The following UGGT2 variants were observed in gnomAD, a reference collection of about 807,000 sequenced individuals.
UGGT2 encodes the protein UDP-glucose:glycoprotein glucosyltransferase 2.
UGGT2 carries 180 observed loss-of-function variants against 192.1 expected under a neutral mutation model. That is an observed-to-expected ratio of 0.94 (90% CI 0.83 to 1.06). The LOEUF is 1.06. UGGT2 is among the 50% of genes least tolerant of loss of function. The pLI is 0.00. For missense variants in UGGT2, 1,849 were observed against 1,795.7 expected (o/e 1.03, Z -0.54); for synonymous variants, 580 against 591.0 (o/e 0.98, Z 0.27).
chr13:96,024,915 T>C (rs1014514863), intron 2 of UGGT2, among the ~76,000 whole-genome samples: 6 of 152,134 alleles, frequency 3.9e-5, no homozygotes, highest in African/African-American at 1.2e-4. Flanking sequence ...TGTTTGCTGA[T>C]TGTGACAATG....
intron 6 of UGGT2, 28 bp downstream of exon 6, chr13:95,999,183 T>C: frequency 1.3e-6 from 2 of 1,584,254 alleles, no homozygotes; most frequent in Non-Finnish European, 1.7e-6. Flanking sequence ...CTTTTCATTC[T>C]ACTCAAGTAC....
chr13:95,890,905 T>C lies in UGGT2; in HGVS notation c.2915A>G (p.Asp972Gly), dbSNP rs1460811704. ...DMFFNVIAIV[D>G]PLTREAQKMA... ...TTTCTGTGCTTCTCTTGTTAATGGA[T>C]CAACAATAGCAATGACATTGAAGAA... Residue 972 changes from aspartate (D) to glycine (G), a missense_variant, in exon 25 of 39, where the codon GAT (aspartate) becomes GGT (glycine). Transcript: ENST00000376747. 6.2e-7 allele frequency: 1 copy of C among 1,613,052 alleles called. No individual in the cohort carries two copies. Among genetic ancestry groups the C allele is most frequent in the Non-Finnish European group, 8.5e-7 (1 of 1,179,458 alleles).
intron 10 of UGGT2, among the ~76,000 whole-genome samples, chr13:95,974,903 GA>G (rs1161429071): frequency 3.3e-5 from 5 of 152,064 alleles, no homozygotes; most frequent in African/African-American, 9.6e-5. Context: ...CCAACATGGT[GA>G]AACCCTGTTT....
chr13:95,835,510 T>C (rs73556769), intron 37 of UGGT2, among the ~76,000 whole-genome samples: 2,971 of 152,340 alleles, frequency 0.02, 90 homozygotes, highest in African/African-American at 0.068. Flanking sequence ...TTTTTATTTG[T>C]TTCTGCTATA....
At chr13:95,919,654 T>C (rs188413773) in intron 20 of UGGT2, among the ~76,000 whole-genome samples, 47 of 152,132 alleles carry the variant, frequency 3.1e-4, no homozygotes, top group African/African-American at 8.9e-4. Flanking sequence ...AAGGGAAGTA[T>C]AGAATCTCTT....
intron 20 of UGGT2, among the ~76,000 whole-genome samples, chr13:95,909,344 A>T (rs2048398940): frequency 6.6e-6 from 1 of 151,924 alleles, no homozygotes; most frequent in Non-Finnish European, 1.5e-5. Context: ...AAAGACTTGG[A>T]ACCAACCCAA....
intron 36 of UGGT2, among the ~76,000 whole-genome samples, chr13:95,849,111 T>C (rs572810977): frequency 2.0e-5 from 3 of 152,292 alleles, no homozygotes; most frequent in Non-Finnish European, 4.4e-5. Flanking sequence ...CTTTGTCATA[T>C]AGATTATATT....
intron 38 of UGGT2, among the ~76,000 whole-genome samples, chr13:95,816,451 C>A (rs1048707978): frequency 6.6e-6 from 1 of 152,048 alleles, no homozygotes; most frequent in South Asian, 2.1e-4. Context: ...AACATATGGT[C>A]CAGACTAAGA....
At chr13:95,893,340 T>C (rs536820082) in intron 24 of UGGT2, among the ~76,000 whole-genome samples, 2 of 152,274 alleles carry the variant, frequency 1.3e-5, no homozygotes, top group South Asian at 4.1e-4. Context: ...TGTGTTTAAA[T>C]ATATATATAC....
At chr13:95,909,094 G>C (rs1346541149) in intron 20 of UGGT2, among the ~76,000 whole-genome samples, 1 of 152,046 alleles carries the variant, frequency 6.6e-6, no homozygotes, top group Non-Finnish European at 1.5e-5. Flanking sequence ...TAACGTTTAA[G>C]TCTTTAATCC....
chr13:95,801,938 T>C (rs1884077102), intron 38 of UGGT2, 126 bp from the exon 39 acceptor site: 1 of 1,007,838 alleles, frequency 9.9e-7, no homozygotes, highest in Admixed American at 2.2e-5. Flanking sequence ...GTTCAGTACC[T>C]ATATGCTTCA....
At chr13:96,028,545 C>T (rs1029919365) in intron 2 of UGGT2, among the ~76,000 whole-genome samples, 2 of 152,150 alleles carry the variant, frequency 1.3e-5, no homozygotes, top group African/African-American at 2.4e-5. Context: ...CTTGAAGCAT[C>T]AATAAATATG....
chr13:95,884,065 CAAAAAAAA>C lies in UGGT2; in HGVS notation c.3228+418_3228+425del, dbSNP rs35937679. Among the ~76,000 whole-genome samples, 12 of 73,960 alleles carry C rather than the reference CAAAAAAAA, an allele frequency of 1.6e-4. No individual in the cohort carries two copies. In the East Asian group the frequency reaches 3.9e-3, roughly 24 times the overall value. The allele number at this position is 73,960 out of a possible 152,430, so 48.5% of individuals were successfully genotyped here. A position where few individuals can be genotyped will look rare whatever the true frequency, so the allele number is the denominator to read the frequency against. The stretch of plus-strand genomic sequence containing the variant: ...TTTCTCTGGCTATGAGCTGTGAGGC[CAAAAAAAA>C]AAAAAAAAAAAAACCAACAACAACA... On this transcript the variant is annotated intron_variant, in intron 27 of 38. Transcript: ENST00000376747.
At chr13:95,837,020 AAG>A in intron 37 of UGGT2, 64 bp downstream of exon 37, 1 of 1,252,646 alleles carries the variant, frequency 8.0e-7, no homozygotes, top group Non-Finnish European at 1.2e-6. Context: ...GTAAAACAGA[AAG>A]AAAATATTTC....
At position 95,859,665 on chromosome 13, in the gene UGGT2, G is replaced by A; in HGVS notation, c.3751C>T (p.Leu1251Phe). The change falls in exon 33 of 39, where the codon CTT becomes TTT. Residue 1251 changes from leucine to phenylalanine, a missense_variant. Leu to Phe is a conservative substitution (Grantham distance 22, BLOSUM62 0). Transcript: ENST00000376747. ...LYERFLRIMM[L>F]SVLRNTKTPV... ...GTTTTGGTGTTACGCAAAACAGAAA[G>A]CATCATAATTCTGTATAAAAGAATA... The A allele has an allele frequency of 3.1e-6, 5 of 1,607,668 alleles. No homozygotes were observed. Among genetic ancestry groups the A allele is most frequent in the Non-Finnish European group, 4.2e-6 (5 of 1,176,472 alleles).
intron 38 of UGGT2, among the ~76,000 whole-genome samples, chr13:95,821,720 T>C (rs1468538660): frequency 1.4e-5 from 2 of 148,050 alleles, no homozygotes; most frequent in African/African-American, 5.1e-5. Flanking sequence ...CTTTGAGCCA[T>C]CTTGAGTTAA....
intron 36 of UGGT2, among the ~76,000 whole-genome samples, chr13:95,839,296 C>T (rs1337606019): frequency 2.6e-5 from 4 of 152,146 alleles, no homozygotes; most frequent in African/African-American, 7.2e-5. Context: ...CACACACTGT[C>T]CTCATATCCT....
chr13:95,898,484 C>T (rs553473938), intron 22 of UGGT2, among the ~76,000 whole-genome samples: 1 of 152,290 alleles, frequency 6.6e-6, no homozygotes, highest in South Asian at 2.1e-4. Flanking sequence ...GAACAATCCT[C>T]TTCCAGATAT....
intron 38 of UGGT2, among the ~76,000 whole-genome samples, chr13:95,803,125 T>C (rs1884142266): frequency 6.6e-6 from 1 of 152,116 alleles, no homozygotes; most frequent in Non-Finnish European, 1.5e-5. Flanking sequence ...TAAGCCACTG[T>C]GCCCAGCCGA....
Sources: allele counts gnomAD v4.1 joint callset (sites outside exome capture counted in the v4.1 genomes callset), GRCh38; gene constraint gnomAD v4.1.1; transcripts MANE v1.5; gene names NCBI Gene and HGNC (gene_info 2026-07-23, HGNC 2026-07-21).